Variants in COL24A1 observed in about 807,000 individuals in gnomAD.
COL24A1 encodes the protein collagen type XXIV alpha 1 chain, also known as collagen alpha-1(XXIV) chain.
Under a neutral mutation model 253.9 loss-of-function variants are expected in COL24A1, and 224 were observed. The observed-to-expected ratio is 0.88, with a 90% confidence interval of 0.79 to 0.99. COL24A1 has a LOEUF of 0.99. Among genes scored for constraint, COL24A1 ranks in the 50% least tolerant of loss-of-function variants. The pLI, the probability that COL24A1 is intolerant of heterozygous loss-of-function variation, is 0.00. For missense variants in COL24A1, 2,131 were observed against 2,068.5 expected (o/e 1.03, Z -0.59); for synonymous variants, 685 against 673.7 (o/e 1.02, Z -0.26).
intron 43 of COL24A1, among the ~76,000 whole-genome samples, chr1:85,827,915 A>G (rs941038744): frequency 6.6e-6 from 1 of 151,614 alleles, no homozygotes; most frequent in African/African-American, 2.4e-5. Context: ...TTGTGTCTCT[A>G]TTTCCTTCAG....
intron 24 of COL24A1, among the ~76,000 whole-genome samples, chr1:85,959,376 C>T (rs1323386578): frequency 6.6e-6 from 1 of 152,036 alleles, no homozygotes; most frequent in Non-Finnish European, 1.5e-5. Flanking sequence ...TTATCAGATG[C>T]TTAAAGACTC....
chr1:85,867,203 G>A (rs2102502817), intron 37 of COL24A1, among the ~76,000 whole-genome samples: 1 of 152,174 alleles, frequency 6.6e-6, no homozygotes, highest in East Asian at 1.9e-4. Context: ...TGATCTGCAG[G>A]TTAGAAACCA....
At chr1:85,816,564 G>C (rs1212784616) in intron 47 of COL24A1, among the ~76,000 whole-genome samples, 1 of 152,116 alleles carries the variant, frequency 6.6e-6, no homozygotes, top group African/African-American at 2.4e-5. Context: ...AAAATGGCAT[G>C]AATTATTAAC....
chr1:85,761,593 AC>A (rs1236602045), intron 53 of COL24A1, 27 bp from the exon 54 acceptor site: 1 of 1,612,806 alleles, frequency 6.2e-7, no homozygotes, highest in African/African-American at 1.3e-5. Flanking sequence ...CAAACACAAG[AC>A]CTATATATTA....
chr1:85,909,709 G>A (rs919886720), intron 26 of COL24A1, among the ~76,000 whole-genome samples: 34 of 151,908 alleles, frequency 2.2e-4, no homozygotes, highest in African/African-American at 6.5e-4. Flanking sequence ...TTAGCAAATT[G>A]TGGTGGTCAA....
In COL24A1 at chr1:85,911,390, A is replaced by G. The variant is rs142678007; in HGVS notation, c.2606T>C (p.Ile869Thr). The G allele has an allele frequency of 2.3e-5, 37 of 1,611,684 alleles. No homozygotes were observed. The highest frequency in any genetic ancestry group is 6.7e-5 in the African/African-American group (5 of 74,878). ...TTCTTAAAAAATTACCTTTTCGCCA[A>G]TGCTTCCAGTCATCCCAACTTCTCC... is the stretch of plus-strand genomic sequence containing the variant. ...LPGEVGMTGS[I>T]GEKGERGSPG... The change falls in exon 25 of 60, where the codon ATT becomes ACT. Residue 869 changes from isoleucine (I) to threonine (T), a missense_variant. Ile to Thr is a moderately conservative substitution (Grantham distance 89). Transcript: ENST00000370571.
At chr1:86,118,858 T>A (rs1026356800) in intron 3 of COL24A1, among the ~76,000 whole-genome samples, 1 of 151,926 alleles carries the variant, frequency 6.6e-6, no homozygotes, top group Non-Finnish European at 1.5e-5. Flanking sequence ...AAAACAAAAC[T>A]AATAAAAGAC....
intron 14 of COL24A1, among the ~76,000 whole-genome samples, chr1:86,024,268 G>A (rs941900987): frequency 2.6e-5 from 4 of 152,172 alleles, no homozygotes; most frequent in South Asian, 2.1e-4. Context: ...ACATGGCACT[G>A]TACTTTTTTT....
intron 37 of COL24A1, among the ~76,000 whole-genome samples, chr1:85,854,504 C>T (rs924159827): frequency 5.9e-5 from 9 of 152,060 alleles, no homozygotes; most frequent in East Asian, 3.8e-4. Context: ...CTGTGAAAAA[C>T]GTTCTTGGTA....
chr1:85,920,347 T>C (rs371327972), intron 24 of COL24A1, among the ~76,000 whole-genome samples: 5 of 152,100 alleles, frequency 3.3e-5, no homozygotes, highest in African/African-American at 1.2e-4. Flanking sequence ...GAGCTAAAGA[T>C]GGGAGGGAGC....
At chr1:85,773,257 G>A (rs1668168054) in intron 53 of COL24A1, among the ~76,000 whole-genome samples, 1 of 152,136 alleles carries the variant, frequency 6.6e-6, no homozygotes, top group East Asian at 1.9e-4. Flanking sequence ...GTACCATGCT[G>A]TTTTGGTTAC....
At chr1:85,761,486 A>G in intron 54 of COL24A1, 45 bp downstream of exon 54, 1 of 1,613,944 alleles carries the variant, frequency 6.2e-7, no homozygotes, top group Non-Finnish European at 8.5e-7. Flanking sequence ...CCAGGCAAAC[A>G]TATAAGCATC....
At chr1:85,966,836 G>A (rs1426464518) in intron 22 of COL24A1, among the ~76,000 whole-genome samples, 1 of 152,102 alleles carries the variant, frequency 6.6e-6, no homozygotes, top group African/African-American at 2.4e-5. Context: ...AAAACTGAAA[G>A]AGCATGTATA....
chr1:85,849,026 T>C (rs956190765), intron 38 of COL24A1, among the ~76,000 whole-genome samples: 2 of 152,194 alleles, frequency 1.3e-5, no homozygotes, highest in African/African-American at 4.8e-5. Context: ...AAGTTGTCAT[T>C]GAAAAGCACA....
intron 34 of COL24A1, 122 bp downstream of exon 34, chr1:85,875,155 G>C: frequency 2.4e-6 from 2 of 818,914 alleles, no homozygotes; most frequent in South Asian, 1.6e-5. Flanking sequence ...AACATTTCCT[G>C]TTTTTATCTG....
At chr1:85,746,092 T>G (rs550726646) in intron 55 of COL24A1, among the ~76,000 whole-genome samples, 2 of 152,216 alleles carry the variant, frequency 1.3e-5, no homozygotes, top group African/African-American at 4.8e-5. Flanking sequence ...GCACAACCAT[T>G]AGTAAAAGTC....
chr1:85,868,667 G>GCC, intron 36 of COL24A1, 41 bp from the exon 37 acceptor site: 1 of 1,544,518 alleles, frequency 6.5e-7, no homozygotes, highest in Non-Finnish European at 8.9e-7. Flanking sequence ...GGAATACAGT[G>GCC]AAATAATTAT....
chr1:85,731,977 C>A (rs1663520781), intron 59 of COL24A1, among the ~76,000 whole-genome samples: 1 of 152,066 alleles, frequency 6.6e-6, no homozygotes, highest in African/African-American at 2.4e-5. Flanking sequence ...CCACAAAAAA[C>A]TAAAAAACAG....
intron 20 of COL24A1, among the ~76,000 whole-genome samples, chr1:85,977,567 T>C (rs565617301): frequency 5.9e-5 from 9 of 151,880 alleles, no homozygotes; most frequent in Non-Finnish European, 1.0e-4. Flanking sequence ...CTCAGAGAAA[T>C]ACAAAATGCA....
Sources: allele counts gnomAD v4.1 joint callset (sites outside exome capture counted in the v4.1 genomes callset), GRCh38; gene constraint gnomAD v4.1.1; transcripts MANE v1.5; gene names NCBI Gene and HGNC (gene_info 2026-07-23, HGNC 2026-07-21).